Variants in CLRN2 observed in about 807,000 individuals in gnomAD.
CLRN2 encodes clarin 2, also known as clarin-2.
CLRN2 carries 17 observed loss-of-function variants against 20.1 expected under a neutral mutation model. The ratio of observed to expected loss-of-function variants is 0.85; its 90% CI spans 0.58 to 1.27. The LOEUF (loss-of-function observed/expected upper bound fraction) is 1.27, where lower values mean the gene tolerates loss of function less well. Among genes scored for constraint, CLRN2 ranks in the 50% most tolerant of loss-of-function variants. CLRN2 has a pLI of 0.00. For synonymous variants in CLRN2, 140 were observed against 126.9 expected (o/e 1.10, Z -0.70); for missense variants, 288 against 299.5 (o/e 0.96, Z 0.28).
chr4:17,522,861 C>T lies in CLRN2; in HGVS notation c.254-3C>T, dbSNP rs748729330. The T allele has an allele frequency of 2.5e-6, 4 of 1,612,244 alleles. No individual in the cohort carries two copies. The highest frequency in any genetic ancestry group is 3.4e-6 in the Non-Finnish European group (4 of 1,178,710). ...AAATAGTGGCTGTGTCTTGTCTCCC[C>T]AGTCTTCCCACACCTGGTGAAGGAG... is the stretch of plus-strand genomic sequence containing the variant. On this transcript the variant is annotated splice_polypyrimidine_tract_variant and splice_region_variant and intron_variant, in intron 1 of 2. Coordinates refer to ENST00000511148, the MANE Select transcript of CLRN2 (RefSeq NM_001079827.2).
At chr4:17,523,943 C>A (rs1711897139) in intron 2 of CLRN2, among the ~76,000 whole-genome samples, 2 of 151,596 alleles carry the variant, frequency 1.3e-5, no homozygotes, top group South Asian at 4.2e-4. Flanking sequence ...TGAGCAACCA[C>A]TAAGGGCTGG....
At chr4:17,523,775 A>C (rs915532480) in intron 2 of CLRN2, among the ~76,000 whole-genome samples, 1 of 147,344 alleles carries the variant, frequency 6.8e-6, no homozygotes, top group African/African-American at 2.5e-5. Flanking sequence ...GAGAAGGGGA[A>C]GTGAGTGCCA....
chr4:17,526,791 ATGAGGGTGACCTTTT>A lies in CLRN2; in HGVS notation c.434-21_434-7del. 2.5e-6 allele frequency: 4 copies of A among 1,611,378 alleles called. No homozygotes were observed. Among genetic ancestry groups the A allele is most frequent in the Non-Finnish European group, 3.4e-6 (4 of 1,177,706 alleles). On this transcript the variant is annotated splice_polypyrimidine_tract_variant and intron_variant, in intron 2 of 2. Transcript: ENST00000511148. The stretch of plus-strand genomic sequence containing the variant: ...ACAGAGTTGCAAAAAGGAGCCGTGA[ATGAGGGTGACCTTTT>A]TGAGTTTCAGGCGGCGTCGTGGCGT...
At chr4:17,524,906 T>C (rs371136904) in intron 2 of CLRN2, among the ~76,000 whole-genome samples, 1 of 152,032 alleles carries the variant, frequency 6.6e-6, no homozygotes. Context: ...ATCATGCCAC[T>C]GCACTCCAGC....
At chr4:17,521,475 G>C (rs1171287914) in intron 1 of CLRN2, among the ~76,000 whole-genome samples, 1 of 152,210 alleles carries the variant, frequency 6.6e-6, no homozygotes, top group Non-Finnish European at 1.5e-5. Context: ...AGTATGCTCA[G>C]AAGTTCTGTA....
chr4:17,515,975 C>T (rs1161016374), intron 1 of CLRN2, among the ~76,000 whole-genome samples: 1 of 152,232 alleles, frequency 6.6e-6, no homozygotes, highest in Non-Finnish European at 1.5e-5. Context: ...TAGAGCCGGA[C>T]TCCAGACCCA....
intron 1 of CLRN2, among the ~76,000 whole-genome samples, chr4:17,519,940 C>G (rs567388121): frequency 6.6e-6 from 1 of 152,112 alleles, no homozygotes; most frequent in African/African-American, 2.4e-5. Context: ...AACTCCTAGC[C>G]TCAAGCAATC....
At chr4:17,525,708 G>A (rs1056353307) in intron 2 of CLRN2, among the ~76,000 whole-genome samples, 5 of 152,042 alleles carry the variant, frequency 3.3e-5, no homozygotes, top group Admixed American at 6.6e-5. Flanking sequence ...GTAACAACAC[G>A]TAAAAATGTC....
chr4:17,525,258 T>G (rs1711944889), intron 2 of CLRN2, among the ~76,000 whole-genome samples: 1 of 152,212 alleles, frequency 6.6e-6, no homozygotes, highest in Non-Finnish European at 1.5e-5. Context: ...ATTTCTATAA[T>G]TTAGTAGAGA....
chr4:17,522,746 C>G (rs757072358), intron 1 of CLRN2, 118 bp from the exon 2 acceptor site: 3 of 1,005,188 alleles, frequency 3.0e-6, no homozygotes, highest in East Asian at 2.5e-5. Flanking sequence ...GAAATCCCCA[C>G]GCTTGCTGTC....
At chr4:17,520,336 T>C (rs1180526878) in intron 1 of CLRN2, among the ~76,000 whole-genome samples, 1 of 152,232 alleles carries the variant, frequency 6.6e-6, no homozygotes, top group Non-Finnish European at 1.5e-5. Context: ...AAAAGATGAA[T>C]TATATACATT....
intron 1 of CLRN2, among the ~76,000 whole-genome samples, chr4:17,518,644 C>T (rs1420689611): frequency 1.3e-5 from 2 of 151,986 alleles, no homozygotes. Flanking sequence ...GCCTGTAATC[C>T]CAGCTACTCA....
At chr4:17,525,975 G>C (rs1440643095) in intron 2 of CLRN2, among the ~76,000 whole-genome samples, 4 of 152,196 alleles carry the variant, frequency 2.6e-5, no homozygotes, top group African/African-American at 9.7e-5. Context: ...GAGGAAGAGA[G>C]GGGGAGAGAG....
At chr4:17,519,616 G>A (rs77915746) in intron 1 of CLRN2, among the ~76,000 whole-genome samples, 14 of 22,752 alleles carry the variant, frequency 6.2e-4, no homozygotes, top group African/African-American at 3.7e-3. Flanking sequence ...ACCATGAATC[G>A]TGTTGTCATT....
chr4:17,515,517 C>T lies in CLRN2; in HGVS notation c.251C>T (p.Thr84Met), dbSNP rs1264495642. The change falls in exon 1 of 3, where the codon ACG (threonine) becomes ATG (methionine). Residue 84 changes from threonine to methionine, a missense_variant and splice_region_variant. Thr to Met is a moderately conservative substitution (Grantham distance 81). Transcript: ENST00000511148. ...CGLGGRQSQF[T>M]IFPHLVKELN... ...CTTGGGGGCCGCCAATCCCAATTCA[C>T]GAGTGAGTATATTGGGAGCATGAAA... 7 of 1,613,626 alleles carry T rather than the reference C, an allele frequency of 4.3e-6. No homozygotes were observed. Among genetic ancestry groups the T allele is most frequent in the Non-Finnish European group, 5.1e-6 (6 of 1,179,792 alleles).
intron 2 of CLRN2, among the ~76,000 whole-genome samples, chr4:17,524,422 A>C (rs1219780963): frequency 6.6e-6 from 1 of 152,204 alleles, no homozygotes; most frequent in Non-Finnish European, 1.5e-5. Flanking sequence ...TACCTTATAC[A>C]AGAATAATAT....
Position 17,522,080 on chromosome 4 carries a change from G to A in CLRN2, c.254-784G>A, listed in dbSNP as rs1315060833. 2.0e-5 allele frequency among the ~76,000 whole-genome samples: 3 copies of A among 152,148 alleles called. No individual in the cohort carries two copies. The East Asian group carries it at 5.8e-4, about 29-fold the overall frequency. ...CCTTCCCCAAACACAAGCAATTAAT[G>A]TCTCCAAGCCTGTGGGTATAAGGAG... On this transcript the variant is annotated intron_variant, in intron 1 of 2. Coordinates refer to ENST00000511148, the MANE Select transcript of CLRN2 (RefSeq NM_001079827.2).
chr4:17,517,462 C>T (rs1330981776), intron 1 of CLRN2, among the ~76,000 whole-genome samples: 1 of 152,208 alleles, frequency 6.6e-6, no homozygotes, highest in African/African-American at 2.4e-5. Context: ...GATTAAACAG[C>T]AGTCACATGC....
chr4:17,523,027 A>G lies in CLRN2; in HGVS notation c.417A>G (p.Leu139=). The change falls in exon 2 of 3, where the codon CTA becomes CTG. Residue 139 remains leucine (L), a synonymous_variant. Coordinates refer to ENST00000511148, the MANE Select transcript of CLRN2 (RefSeq NM_001079827.2). ...TCAGCGGTCCTGGGGGCATCTGCCT[A>G]TGGAATGTCCTGGCAGGTAAGAAGT... ...RAVSGPGGIC[L]WNVLAGGVVA... The G allele has an allele frequency of 1.2e-6, 2 of 1,612,778 alleles. No homozygotes were observed. The highest frequency in any genetic ancestry group is 2.2e-5 in the East Asian group (1 of 44,874).
Sources: gnomAD v4.1 joint callset for allele counts (sites outside exome capture counted in the v4.1 genomes callset) on GRCh38, gnomAD v4.1.1 for gene constraint, MANE v1.5 for transcripts, NCBI Gene and HGNC (gene_info 2026-07-23, HGNC 2026-07-21) for gene names.